KIAA1217: variants seen among roughly 807,000 people sequenced by gnomAD.
The protein encoded by KIAA1217 is KIAA1217.
In KIAA1217, 88 loss-of-function variants were observed where a neutral mutation model predicts 163.9. The ratio of observed to expected loss-of-function variants is 0.54; its 90% CI spans 0.45 to 0.64. The LOEUF is 0.64. Among genes scored for constraint, KIAA1217 ranks in the 30% least tolerant of loss-of-function variants. The pLI is 0.00. For synonymous variants in KIAA1217, 903 were observed against 923.1 expected, an observed-to-expected ratio of 0.98 and a Z score of 0.39; for missense variants, 2,372 against 2,475.0, an observed-to-expected ratio of 0.96 and a Z score of 0.88.
At chr10:24,130,896 C>T (rs1400316546) in intron 2 of KIAA1217, among the ~76,000 whole-genome samples, 3 of 152,138 alleles carry the variant, frequency 2.0e-5, no homozygotes, top group African/African-American at 4.8e-5. Context: ...TAAACTGACG[C>T]CTTTTAATCT....
At chr10:23,789,285 C>T (rs1172373273) in intron 1 of KIAA1217, among the ~76,000 whole-genome samples, 1 of 152,140 alleles carries the variant, frequency 6.6e-6, no homozygotes, top group Non-Finnish European at 1.5e-5. Context: ...CTGAAAAAGA[C>T]TACTGTGTGA....
At chr10:23,806,160 T>C (rs982184530) in intron 1 of KIAA1217, among the ~76,000 whole-genome samples, 44 of 152,212 alleles carry the variant, frequency 2.9e-4, no homozygotes, top group African/African-American at 1.0e-3. Flanking sequence ...TTGAGGGATG[T>C]GTGTGTGTAC....
At chr10:24,385,121 T>C (rs1281319102) in intron 3 of KIAA1217, among the ~76,000 whole-genome samples, 1 of 152,180 alleles carries the variant, frequency 6.6e-6, no homozygotes, top group African/African-American at 2.4e-5. Context: ...AGGGGAGGGC[T>C]AGGCAACTTG....
intron 5 of KIAA1217, among the ~76,000 whole-genome samples, chr10:24,469,286 G>A (rs2063252447): frequency 6.7e-6 from 1 of 150,110 alleles, no homozygotes; most frequent in Non-Finnish European, 1.5e-5. Flanking sequence ...ACTGCGCCTG[G>A]CTAATTTTTG....
intron 1 of KIAA1217, among the ~76,000 whole-genome samples, chr10:23,941,196 T>C (rs532618192): frequency 6.6e-6 from 1 of 152,256 alleles, no homozygotes; most frequent in Non-Finnish European, 1.5e-5. Flanking sequence ...TTTTTCATAG[T>C]ATATTTGAAA....
At chr10:24,465,897 T>C (rs2062895079) in intron 5 of KIAA1217, among the ~76,000 whole-genome samples, 1 of 152,210 alleles carries the variant, frequency 6.6e-6, no homozygotes, top group Non-Finnish European at 1.5e-5. Flanking sequence ...GAATCCCCTC[T>C]GCACAGCCCT....
intron 1 of KIAA1217, among the ~76,000 whole-genome samples, chr10:23,906,979 G>T (rs1488576364): frequency 6.6e-6 from 1 of 152,060 alleles, no homozygotes; most frequent in African/African-American, 2.4e-5. Context: ...CTTTCTCAGT[G>T]ACTGAAATAT....
intron 3 of KIAA1217, among the ~76,000 whole-genome samples, chr10:24,382,844 C>CTTTTTT (rs1161576107): frequency 1.6e-4 from 7 of 44,370 alleles, no homozygotes; most frequent in Non-Finnish European, 2.5e-4. Context: ...TTTTTCTTTT[C>CTTTTTT]TTTTTTTTTT....
At chr10:23,857,060 C>A (rs548207940) in intron 1 of KIAA1217, among the ~76,000 whole-genome samples, 1 of 152,240 alleles carries the variant, frequency 6.6e-6, no homozygotes, top group Non-Finnish European at 1.5e-5. Context: ...GAGATGAACC[C>A]GGTACCTCAG....
chr10:24,006,272 T>C (rs1284271542), intron 1 of KIAA1217, among the ~76,000 whole-genome samples: 1 of 152,330 alleles, frequency 6.6e-6, no homozygotes, highest in Non-Finnish European at 1.5e-5. Flanking sequence ...GCCTGGCTAC[T>C]AAATGATGGT....
intron 2 of KIAA1217, among the ~76,000 whole-genome samples, chr10:24,369,105 T>G (rs16924656): frequency 0.16 from 24,053 of 151,910 alleles, 2,274 homozygotes; most frequent in South Asian, 0.3. Flanking sequence ...CTTCAAACAC[T>G]GGTATACTTT....
chr10:24,394,688 G>A (rs980567074), intron 3 of KIAA1217, among the ~76,000 whole-genome samples: 4 of 152,086 alleles, frequency 2.6e-5, no homozygotes, highest in Admixed American at 2.6e-4. Context: ...CCGGACTCCT[G>A]GCTGTTCCAG....
intron 1 of KIAA1217, among the ~76,000 whole-genome samples, chr10:23,872,037 A>G (rs916524512): frequency 2.6e-5 from 4 of 152,072 alleles, no homozygotes; most frequent in Non-Finnish European, 5.9e-5. Context: ...AGCGACCTCC[A>G]TGTTTATGAA....
At chr10:24,060,325 C>T (rs1464969116) in intron 2 of KIAA1217, among the ~76,000 whole-genome samples, 1 of 152,048 alleles carries the variant, frequency 6.6e-6, no homozygotes, top group South Asian at 2.1e-4. Context: ...ATTGTATTTT[C>T]ATTTTTGTTG....
At chr10:24,402,377 T>C (rs567388865) in intron 3 of KIAA1217, among the ~76,000 whole-genome samples, 65 of 151,816 alleles carry the variant, frequency 4.3e-4, no homozygotes, top group South Asian at 1.9e-3. Context: ...GGCGTATTGG[T>C]GGGCGCCTGT....
At chr10:23,810,964 GTATATAT>G (rs1273725668) in intron 1 of KIAA1217, among the ~76,000 whole-genome samples, 19 of 108,078 alleles carry the variant, frequency 1.8e-4, no homozygotes, top group Non-Finnish European at 2.6e-4. Context: ...AATATATATA[GTATATAT>G]TATATACTAT....
At chr10:23,949,393 A>G (rs1007192219) in intron 1 of KIAA1217, among the ~76,000 whole-genome samples, 1 of 152,142 alleles carries the variant, frequency 6.6e-6, no homozygotes, top group Non-Finnish European at 1.5e-5. Flanking sequence ...TTACTTCTCA[A>G]AGTTATTTAT....
intron 1 of KIAA1217, among the ~76,000 whole-genome samples, chr10:23,832,992 A>G (rs371738324): frequency 3.9e-5 from 6 of 152,088 alleles, no homozygotes; most frequent in East Asian, 1.9e-4. Context: ...CCATGATTCA[A>G]TTACCTCCCA....
At chr10:24,398,670 T>C (rs1445546856) in intron 3 of KIAA1217, among the ~76,000 whole-genome samples, 1 of 152,142 alleles carries the variant, frequency 6.6e-6, no homozygotes, top group East Asian at 1.9e-4. Flanking sequence ...CTTTTTCCCA[T>C]GATTCTTTCC....
Sources: allele counts gnomAD v4.1 joint callset (sites outside exome capture counted in the v4.1 genomes callset), GRCh38; gene constraint gnomAD v4.1.1; transcripts MANE v1.5; gene names NCBI Gene and HGNC (gene_info 2026-07-23, HGNC 2026-07-21).